The following STARD10 variants were observed in gnomAD, a reference collection of about 807,000 sequenced individuals.
STARD10 encodes StAR related lipid transfer domain containing 10.
Under a neutral mutation model 36.0 loss-of-function variants are expected in STARD10, and 24 were observed. The ratio of observed to expected loss-of-function variants is 0.67; its 90% CI spans 0.48 to 0.94. The LOEUF is 0.94. STARD10 is among the 40% of genes least tolerant of loss of function. The probability of loss-of-function intolerance (pLI) is 0.00; values close to 1 mark genes in which losing one functional copy is unlikely to be tolerated. For synonymous variants in STARD10, 156 were observed against 161.9 expected, an observed-to-expected ratio of 0.96 and a Z score of 0.28; for missense variants, 335 against 396.6, an observed-to-expected ratio of 0.84 and a Z score of 1.32.
chr11:72,778,981 T>C (rs1329807787), intron 2 of STARD10, among the ~76,000 whole-genome samples: 1 of 152,148 alleles, frequency 6.6e-6, no homozygotes, highest in African/African-American at 2.4e-5. Context: ...TGGCCACGAG[T>C]GGTCTGTTGC....
intron 5 of STARD10, among the ~76,000 whole-genome samples, chr11:72,756,642 G>A (rs760274370): frequency 6.6e-6 from 1 of 152,136 alleles, no homozygotes; most frequent in Non-Finnish European, 1.5e-5. Flanking sequence ...TGGGTGAGGT[G>A]TGAGAGACAC....
At chr11:72,777,358 G>A (rs1369932484) in intron 2 of STARD10, among the ~76,000 whole-genome samples, 8 of 152,250 alleles carry the variant, frequency 5.3e-5, no homozygotes, top group African/African-American at 9.6e-5. Context: ...TGGCACAGAC[G>A]GGCAAGCAGC....
chr11:72,754,814 G>A lies in STARD10; in HGVS notation c.*83C>T. On this transcript the variant is annotated 3_prime_UTR_variant, in exon 7 of 7. Coordinates refer to ENST00000334805, the MANE Select transcript of STARD10 (RefSeq NM_006645.3). ...CTGGCCCGGTGCCACCAGGTGCCGGGTGGGGGAGGGGAGAAAGTGCAGGAG... is the reference window on the plus strand; with the variant it reads ...CTGGCCCGGTGCCACCAGGTGCCGGATGGGGGAGGGGAGAAAGTGCAGGAG... 2.0e-6 allele frequency: 3 copies of A among 1,532,700 alleles called. No homozygotes were observed. The highest frequency in any genetic ancestry group is 2.6e-6 in the Non-Finnish European group (3 of 1,144,968). The allele number at this position is 1,532,700 out of a possible 1,614,324, so 94.9% of individuals were successfully genotyped here. A position where few individuals can be genotyped will look rare whatever the true frequency, so the allele number is the denominator to read the frequency against.
At chr11:72,791,300 A>G (rs1448104307) in intron 1 of STARD10, among the ~76,000 whole-genome samples, 1 of 152,136 alleles carries the variant, frequency 6.6e-6, no homozygotes, top group Non-Finnish European at 1.5e-5. Flanking sequence ...TTCTCGGAGT[A>G]TACATTAGAC....
chr11:72,792,344 C>G (rs1414382962), intron 1 of STARD10, among the ~76,000 whole-genome samples: 1 of 152,062 alleles, frequency 6.6e-6, no homozygotes, highest in Non-Finnish European at 1.5e-5. Flanking sequence ...CGTGAGCCAC[C>G]GTGCCTGGCC....
intron 1 of STARD10, among the ~76,000 whole-genome samples, chr11:72,784,572 T>C (rs1163781808): frequency 1.3e-5 from 2 of 152,200 alleles, no homozygotes; most frequent in African/African-American, 4.8e-5. Context: ...GGTAACATCT[T>C]TACATGATGG....
At chr11:72,775,192 G>A in intron 2 of STARD10, among the ~76,000 whole-genome samples, 1 of 152,210 alleles carries the variant, frequency 6.6e-6, no homozygotes. Flanking sequence ...ACATCGCAAA[G>A]AGTTATGCTA....
intron 2 of STARD10, among the ~76,000 whole-genome samples, chr11:72,772,644 GCTGT>G (rs895999700): frequency 2.8e-4 from 42 of 152,166 alleles, no homozygotes; most frequent in African/African-American, 8.7e-4. Context: ...GAAAGCTTCT[GCTGT>G]CTGTCTGTCT....
At position 72,755,731 on chromosome 11, in the gene STARD10, C is replaced by T. The variant is rs1164918041; in HGVS notation, c.600G>A (p.Val200=). The T allele has an allele frequency of 6.2e-7, 1 of 1,613,712 alleles. No homozygotes were observed. The highest frequency in any genetic ancestry group is 2.2e-5 in the East Asian group (1 of 44,868). The change falls in exon 6 of 7, where the codon GTG becomes GTA. Residue 200 remains valine (V), a synonymous_variant. Coordinates refer to ENST00000334805, the MANE Select transcript of STARD10 (RefSeq NM_006645.3). The part of the protein sequence containing the change: ...DPKGSLPKWV[V]NKSSQFLAPK... The stretch of plus-strand genomic sequence containing the variant: ...GAGCCAGGAACTGAGAAGATTTATT[C>T]ACCACCCACTTGGGTAAGGAGCCTG...
chr11:72,780,272 G>T (rs1047306628), intron 2 of STARD10: 8 of 394,588 alleles, frequency 2.0e-5, no homozygotes, highest in Admixed American at 5.6e-5. Context: ...GGGTTGGGAA[G>T]AGCAGGGGAG....
chr11:72,761,631 G>C (rs1312582041), intron 2 of STARD10, among the ~76,000 whole-genome samples: 1 of 152,004 alleles, frequency 6.6e-6, no homozygotes, highest in Non-Finnish European at 1.5e-5. Flanking sequence ...TGTAATCCCA[G>C]CTACTCAGGA....
At position 72,755,070 on chromosome 11, in the gene STARD10, G is replaced by A; in HGVS notation, c.703C>T (p.Pro235Ser). Reference sequence around the variant, plus strand: ...GGGCTCTGCTCCGGGTGCAGCCACGGCTTGAAGTGAGGCAGGTGCTTCTGT... The same window carrying A: ...GGGCTCTGCTCCGGGTGCAGCCACGACTTGAAGTGAGGCAGGTGCTTCTGT... The part of the protein sequence containing the change: ...WKQKHLPHFK[P>S]WLHPEQSPLP... The change falls in exon 7 of 7, where the codon CCG becomes TCG. Residue 235 changes from proline (P) to serine (S), a missense_variant. By Grantham distance (74) the Pro-to-Ser change is moderately conservative (BLOSUM62 -1). Coordinates refer to ENST00000334805, the MANE Select transcript of STARD10 (RefSeq NM_006645.3). 3 of 1,613,330 alleles carry A rather than the reference G, an allele frequency of 1.9e-6. No homozygotes were observed. The highest frequency in any genetic ancestry group is 2.5e-6 in the Non-Finnish European group (3 of 1,179,754).
At chr11:72,758,467 C>A in intron 4 of STARD10, 63 bp downstream of exon 4, 1 of 1,369,446 alleles carries the variant, frequency 7.3e-7, no homozygotes. Context: ...ATGGTGGCAG[C>A]CTCAGCCTTG....
At chr11:72,770,947 T>C (rs1305482636) in intron 2 of STARD10, among the ~76,000 whole-genome samples, 4 of 152,236 alleles carry the variant, frequency 2.6e-5, no homozygotes, top group African/African-American at 9.6e-5. Context: ...AGCTGTCCTT[T>C]AGGGACCTGT....
At chr11:72,763,049 TC>T (rs932128238) in intron 2 of STARD10, among the ~76,000 whole-genome samples, 2 of 152,158 alleles carry the variant, frequency 1.3e-5, no homozygotes, top group Non-Finnish European at 2.9e-5. Flanking sequence ...GAAGGGCTCT[TC>T]CCCTGGCACA....
intron 2 of STARD10, among the ~76,000 whole-genome samples, chr11:72,770,601 G>T (rs1219012350): frequency 1.3e-5 from 2 of 152,186 alleles, no homozygotes; most frequent in Non-Finnish European, 2.9e-5. Flanking sequence ...ACTCAGCTGA[G>T]TTGGGGCCTG....
chr11:72,784,680 A>C (rs115621721), intron 1 of STARD10, among the ~76,000 whole-genome samples: 2,893 of 152,232 alleles, frequency 0.019, 102 homozygotes, highest in African/African-American at 0.066. Context: ...TGCCCCAGAT[A>C]TGGTCCCCTC....
At chr11:72,783,058 C>T (rs1333622553) in intron 1 of STARD10, among the ~76,000 whole-genome samples, 2 of 152,082 alleles carry the variant, frequency 1.3e-5, no homozygotes, top group Non-Finnish European at 2.9e-5. Flanking sequence ...CCTCACCAGC[C>T]TAGAGCTCTA....
chr11:72,772,663 A>C (rs946145770), intron 2 of STARD10, among the ~76,000 whole-genome samples: 4 of 150,454 alleles, frequency 2.7e-5, no homozygotes, highest in Admixed American at 2.0e-4. Flanking sequence ...CTGTCTGTCT[A>C]TCTCTCTCTC....
Sources: gnomAD v4.1 joint callset for allele counts (sites outside exome capture counted in the v4.1 genomes callset) on GRCh38, gnomAD v4.1.1 for gene constraint, MANE v1.5 for transcripts, NCBI Gene and HGNC (gene_info 2026-07-23, HGNC 2026-07-21) for gene names.